RFX7: variants seen among roughly 807,000 people sequenced by gnomAD.
RFX7 encodes DNA-binding protein RFX7.
Under a neutral mutation model 111.8 loss-of-function variants are expected in RFX7, and 26 were observed. That is an observed-to-expected ratio of 0.23 (90% confidence interval 0.17 to 0.32). The LOEUF is 0.32. Ranked by LOEUF, RFX7 falls within the 10% of genes least tolerant of loss-of-function variation. RFX7 has a pLI of 1.00. For synonymous variants in RFX7, 624 were observed against 624.4 expected, an observed-to-expected ratio of 1.00 and a Z score of 0.01; for missense variants, 1,573 against 1,772.9, an observed-to-expected ratio of 0.89 and a Z score of 2.02.
chr15:56,233,375 CA>C (rs2043589452), intron 2 of RFX7, among the ~76,000 whole-genome samples: 1 of 152,150 alleles, frequency 6.6e-6, no homozygotes, highest in Non-Finnish European at 1.5e-5. Context: ...AAACTGCCCC[CA>C]TGATTCAATT....
chr15:56,214,640 G>A (rs138511409), intron 2 of RFX7, among the ~76,000 whole-genome samples: 1,850 of 151,788 alleles, frequency 0.012, 42 homozygotes, highest in African/African-American at 0.04. Flanking sequence ...GCGTGAACCC[G>A]GGAGGAGGAG....
intron 2 of RFX7, among the ~76,000 whole-genome samples, chr15:56,222,533 C>G (rs2043438314): frequency 6.6e-6 from 1 of 151,964 alleles, no homozygotes; most frequent in East Asian, 1.9e-4. Flanking sequence ...TTTCTTTTTC[C>G]TCTCCTTTTT....
At chr15:56,144,238 A>G (rs1162611731) in intron 4 of RFX7, among the ~76,000 whole-genome samples, 163 bp downstream of exon 4, 1 of 152,176 alleles carries the variant, frequency 6.6e-6, no homozygotes, top group Non-Finnish European at 1.5e-5. Context: ...TACTTAACCA[A>G]ATATCACCAA....
At chr15:56,121,634 A>G (rs923893280) in intron 5 of RFX7, among the ~76,000 whole-genome samples, 2 of 151,686 alleles carry the variant, frequency 1.3e-5, no homozygotes, top group African/African-American at 4.8e-5. Context: ...CTCTCTGTCT[A>G]CCTCCTCTTT....
chr15:56,135,388 T>A (rs1327530548), intron 5 of RFX7, among the ~76,000 whole-genome samples: 12 of 152,252 alleles, frequency 7.9e-5, no homozygotes, highest in African/African-American at 2.7e-4. Flanking sequence ...TTTCTTCATG[T>A]GTTTTTTGGC....
chr15:56,204,789 G>A (rs1305750123), intron 2 of RFX7, among the ~76,000 whole-genome samples: 2 of 152,070 alleles, frequency 1.3e-5, no homozygotes, highest in African/African-American at 4.8e-5. Context: ...GACCAAAAAA[G>A]GAACTTAATG....
At chr15:56,221,280 T>A (rs1456140250) in intron 2 of RFX7, among the ~76,000 whole-genome samples, 2 of 152,230 alleles carry the variant, frequency 1.3e-5, no homozygotes, top group African/African-American at 2.4e-5. Flanking sequence ...GTATGGCCTT[T>A]TAAAAAACAT....
chr15:56,219,833 T>C (rs1195928115), intron 2 of RFX7, among the ~76,000 whole-genome samples: 2 of 152,110 alleles, frequency 1.3e-5, no homozygotes, highest in Non-Finnish European at 2.9e-5. Flanking sequence ...AATATGTGTG[T>C]ACATGTGTCT....
chr15:56,242,685 C>T (rs2141252472), intron 2 of RFX7, among the ~76,000 whole-genome samples: 1 of 152,160 alleles, frequency 6.6e-6, no homozygotes, highest in East Asian at 1.9e-4. Context: ...AGGTTTTGTG[C>T]TGCATATTAA....
Position 56,098,320 on chromosome 15 carries a change from A to G in RFX7, c.868T>C (p.Phe290Leu), listed in dbSNP as rs1296866730. The G allele has an allele frequency of 1.2e-6, 2 of 1,613,116 alleles. No homozygotes were observed. Among genetic ancestry groups the G allele is most frequent in the Non-Finnish European group, 1.7e-6 (2 of 1,179,374 alleles). ...AFIPTAESNS[F>L]QPQVKTLPSP... ...GGCAAAGTCTTCACCTGAGGCTGAA[A>G]GGAATTACTTTCAGCTGTAGGTATA... Residue 290 changes from phenylalanine to leucine, a missense_variant, in exon 9 of 10, where the codon TTT becomes CTT. This residue lies in a region of RFX7 where 288 missense variants were observed against 337.9 expected (regional missense o/e 0.85). Transcript: ENST00000559447.
At position 56,093,678 on chromosome 15, in the gene RFX7, A is replaced by C; in HGVS notation, c.4050T>G (p.Val1350=). ...AGCTGTCTCCACTCAACAGGTCTTT[A>C]ACAGTGCTATTGAAATCTAATTGTT... The part of the protein sequence containing the change: ...GEQQLDFNST[V]KDLLSGDSLQ... Residue 1350 remains valine (V), a synonymous_variant, in exon 10 of 10, where the codon GTT becomes GTG. Coordinates refer to ENST00000559447, the MANE Select transcript of RFX7 (RefSeq NM_022841.7). 1 of 1,613,884 alleles carries C rather than the reference A, an allele frequency of 6.2e-7. No homozygotes were observed. The highest frequency in any genetic ancestry group is 8.5e-7 in the Non-Finnish European group (1 of 1,179,826).
intron 2 of RFX7, among the ~76,000 whole-genome samples, chr15:56,210,197 T>C (rs1454231821): frequency 6.6e-6 from 1 of 152,090 alleles, no homozygotes; most frequent in African/African-American, 2.4e-5. Flanking sequence ...TAATTTCAGA[T>C]AAGGCAGGCT....
intron 3 of RFX7, among the ~76,000 whole-genome samples, chr15:56,149,325 C>T (rs936656968): frequency 6.6e-6 from 1 of 152,120 alleles, no homozygotes; most frequent in Non-Finnish European, 1.5e-5. Flanking sequence ...CATAGATTAG[C>T]CCATCCTGAT....
intron 5 of RFX7, among the ~76,000 whole-genome samples, chr15:56,121,082 G>A (rs753517142): frequency 3.8e-4 from 58 of 152,254 alleles, no homozygotes; most frequent in Non-Finnish European, 7.1e-4. Flanking sequence ...TATTACCACT[G>A]AGTTTTGTAC....
chr15:56,219,847 G>A (rs536140422), intron 2 of RFX7, among the ~76,000 whole-genome samples: 3 of 152,136 alleles, frequency 2.0e-5, no homozygotes, highest in South Asian at 2.1e-4. Context: ...TGTGTCTTTA[G>A]GGTAGAATGA....
At chr15:56,105,590 G>C (rs1400684591) in intron 5 of RFX7, among the ~76,000 whole-genome samples, 1 of 152,138 alleles carries the variant, frequency 6.6e-6, no homozygotes, top group Non-Finnish European at 1.5e-5. Context: ...AGACATTTGA[G>C]AGATAATATA....
At chr15:56,232,145 T>C (rs1314477805) in intron 2 of RFX7, among the ~76,000 whole-genome samples, 1 of 152,184 alleles carries the variant, frequency 6.6e-6, no homozygotes, top group Non-Finnish European at 1.5e-5. Context: ...GTCTGGAGGA[T>C]GGTGGTCCTT....
chr15:56,153,926 T>C (rs1332322414), intron 3 of RFX7, among the ~76,000 whole-genome samples: 6 of 152,206 alleles, frequency 3.9e-5, no homozygotes, highest in Non-Finnish European at 8.8e-5. Flanking sequence ...CTTAATCTGA[T>C]AAGCAACTTC....
intron 2 of RFX7, among the ~76,000 whole-genome samples, chr15:56,240,820 A>G (rs1322926864): frequency 6.6e-6 from 1 of 152,150 alleles, no homozygotes; most frequent in Admixed American, 6.5e-5. Context: ...TGTCTCAAAA[A>G]TGTGAAATAT....
Sources: allele counts gnomAD v4.1 joint callset (sites outside exome capture counted in the v4.1 genomes callset), GRCh38; gene constraint gnomAD v4.1.1; regional missense constraint gnomAD v4.1.1; transcripts MANE v1.5; gene names NCBI Gene and HGNC (gene_info 2026-07-23, HGNC 2026-07-21).